The following RETREG1 variants were observed in gnomAD, a reference collection of about 807,000 sequenced individuals.
RETREG1 encodes family with sequence similarity 134 member B.
RETREG1 carries 44 observed loss-of-function variants against 54.8 expected under a neutral mutation model. The ratio of observed to expected loss-of-function variants is 0.80; its 90% CI spans 0.63 to 1.03. RETREG1 has a LOEUF of 1.03. RETREG1 is among the 50% of genes least tolerant of loss of function. The pLI, the probability that RETREG1 is intolerant of heterozygous loss-of-function variation, is 0.00. For synonymous variants in RETREG1, 217 were observed against 238.5 expected (o/e 0.91, Z 0.83); for missense variants, 554 against 605.1 (o/e 0.92, Z 0.89).
chr5:16,477,819 C>A (rs1337228990), intron 7 of RETREG1, 31 bp from the exon 8 acceptor site: 1 of 1,612,734 alleles, frequency 6.2e-7, no homozygotes, highest in Non-Finnish European at 8.5e-7. Flanking sequence ...ACCAGCGGCA[C>A]ATTTTAAACT....
chr5:16,531,931 C>T (rs141626161), intron 3 of RETREG1, among the ~76,000 whole-genome samples: 5 of 152,282 alleles, frequency 3.3e-5, no homozygotes, highest in Admixed American at 6.5e-5. Flanking sequence ...GTTGGGAGAG[C>T]ATCCCTGAGC....
Position 16,474,606 on chromosome 5 carries a change from G to A in RETREG1, c.*135C>T. ...ATATATATCCAATTAATTCACTGCA[G>A]GAGGGAAAATAAAACAAATCTAAAG... On this transcript the variant is annotated 3_prime_UTR_variant, in exon 9 of 9. Coordinates refer to ENST00000306320, the MANE Select transcript of RETREG1 (RefSeq NM_001034850.3). The A allele has an allele frequency of 9.5e-7, 1 of 1,049,002 alleles. No individual in the cohort carries two copies. The highest frequency in any genetic ancestry group is 1.4e-6 in the Non-Finnish European group (1 of 726,954). The allele number at this position is 1,049,002 out of a possible 1,614,324, so 65.0% of individuals were successfully genotyped here. A position where few individuals can be genotyped will look rare whatever the true frequency, so the allele number is the denominator to read the frequency against.
chr5:16,560,140 C>G (rs1415852920), intron 3 of RETREG1, among the ~76,000 whole-genome samples: 1 of 152,166 alleles, frequency 6.6e-6, no homozygotes, highest in Non-Finnish European at 1.5e-5. Flanking sequence ...CCTGGGTTTA[C>G]CATTACATTC....
chr5:16,505,892 C>T (rs1739934215), intron 3 of RETREG1, among the ~76,000 whole-genome samples: 1 of 152,214 alleles, frequency 6.6e-6, no homozygotes, highest in African/African-American at 2.4e-5. Flanking sequence ...GCCTTCCTCG[C>T]CTGCTTCAGA....
chr5:16,610,849 G>C (rs371687581), intron 1 of RETREG1, among the ~76,000 whole-genome samples: 1 of 152,122 alleles, frequency 6.6e-6, no homozygotes. Context: ...TCAGTGTGGC[G>C]ATTCCTCAGG....
chr5:16,579,845 A>G (rs1742435043), intron 1 of RETREG1, among the ~76,000 whole-genome samples: 1 of 152,220 alleles, frequency 6.6e-6, no homozygotes, highest in African/African-American at 2.4e-5. Flanking sequence ...AAATTTATCC[A>G]TTCACCTTTT....
chr5:16,474,696 A>ATTTTTTTGGT lies in RETREG1; in HGVS notation c.*35_*44dup. 6.6e-7 allele frequency: 1 copy of ATTTTTTTGGT among 1,521,916 alleles called. No homozygotes were observed. Among genetic ancestry groups the ATTTTTTTGGT allele is most frequent in the Non-Finnish European group, 8.7e-7 (1 of 1,143,326 alleles). The allele number at this position is 1,521,916 out of a possible 1,614,324, so 94.3% of individuals were successfully genotyped here. A position where few individuals can be genotyped will look rare whatever the true frequency, so the allele number is the denominator to read the frequency against. On this transcript the variant is annotated 3_prime_UTR_variant, in exon 9 of 9. Transcript: ENST00000306320. ...TTTTTTTTTTTTTTTCTTGTTTGAAATTTTTTTGGTGTTTTTTGTGCTCTG... is the reference window on the plus strand; with the variant it reads ...TTTTTTTTTTTTTTTCTTGTTTGAAATTTTTTTGGTTTTTTTTGGTGTTTTTTGTGCTCTG...
chr5:16,483,547 T>C (rs1169606414), intron 3 of RETREG1, 75 bp from the exon 4 acceptor site: 1 of 1,520,994 alleles, frequency 6.6e-7, no homozygotes. Context: ...TTGGCAAATA[T>C]TTATTGAGCA....
intron 3 of RETREG1, among the ~76,000 whole-genome samples, chr5:16,521,244 C>T (rs1393269194): frequency 2.0e-5 from 3 of 152,084 alleles, no homozygotes; most frequent in Non-Finnish European, 4.4e-5. Flanking sequence ...CATTCTTCTC[C>T]CCTCCCATCC....
intron 5 of RETREG1, 27 bp downstream of exon 5, chr5:16,480,982 C>T (rs748377036): frequency 1.3e-6 from 2 of 1,511,684 alleles, no homozygotes; most frequent in African/African-American, 2.8e-5. Context: ...CATCACAACA[C>T]TTAGCCATAT....
Position 16,548,878 on chromosome 5 carries a change from G to A in RETREG1, c.458+16885C>T, listed in dbSNP as rs1315107727. 2.6e-5 allele frequency among the ~76,000 whole-genome samples: 4 copies of A among 152,228 alleles called. No individual in the cohort carries two copies. In the East Asian group the frequency reaches 7.7e-4, roughly 29 times the overall value. ...TGAGAAATAAATATCTGTTATTTAAGCCACCCAATCTATGGTATTCTGTTA... is the reference window on the plus strand; with the variant it reads ...TGAGAAATAAATATCTGTTATTTAAACCACCCAATCTATGGTATTCTGTTA... On this transcript the variant is annotated intron_variant, in intron 3 of 8. Transcript: ENST00000306320.
intron 3 of RETREG1, among the ~76,000 whole-genome samples, chr5:16,504,135 G>A (rs967468731): frequency 4.9e-4 from 75 of 151,986 alleles, no homozygotes; most frequent in African/African-American, 1.2e-3. Flanking sequence ...GCTCCCACTT[G>A]TAAGTGAGAA....
chr5:16,484,126 T>A (rs1328934856), intron 3 of RETREG1, among the ~76,000 whole-genome samples: 1 of 152,104 alleles, frequency 6.6e-6, no homozygotes, highest in Non-Finnish European at 1.5e-5. Context: ...TTTTCCAGAG[T>A]ACATTTTCCT....
At chr5:16,543,633 G>A (rs1014776044) in intron 3 of RETREG1, among the ~76,000 whole-genome samples, 3 of 148,956 alleles carry the variant, frequency 2.0e-5, no homozygotes, top group Non-Finnish European at 4.4e-5. Context: ...CCGAGATCGC[G>A]CCATTGCACT....
At chr5:16,601,805 C>T (rs1032790009) in intron 1 of RETREG1, among the ~76,000 whole-genome samples, 1 of 152,144 alleles carries the variant, frequency 6.6e-6, no homozygotes, top group African/African-American at 2.4e-5. Context: ...AAAATATCAA[C>T]AGAGGTCTAT....
At position 16,586,045 on chromosome 5, in the gene RETREG1, C is replaced by A. The variant is rs982801422; in HGVS notation, c.321-13943G>T. 1.9e-4 allele frequency among the ~76,000 whole-genome samples: 29 copies of A among 152,038 alleles called. 1 individual carries two copies. ...CTAGCCATAAGTTAAATACTAACTACCAGATTCAGTCATAGAAAGGAGCTA... is the reference window on the plus strand; with the variant it reads ...CTAGCCATAAGTTAAATACTAACTAACAGATTCAGTCATAGAAAGGAGCTA... On this transcript the variant is annotated intron_variant, in intron 1 of 8. Transcript: ENST00000306320.
At position 16,473,432 on chromosome 5, in the gene RETREG1, G is replaced by C. The variant is rs1738384331; in HGVS notation, c.*1309C>G. 1 of 148,592 alleles carries C rather than the reference G, an allele frequency of 6.7e-6. No individual in the cohort carries two copies. Among genetic ancestry groups the C allele is most frequent in the Admixed American group, 6.7e-5 (1 of 14,900 alleles). The allele number at this position is 148,592 out of a possible 1,614,324, so 9.2% of individuals were successfully genotyped here. ...TCTTTAGAAATATAAGGGATAAAAT[G>C]AAAGGAAGAGAACACAGATTTCCTA... is the stretch of plus-strand genomic sequence containing the variant. On this transcript the variant is annotated 3_prime_UTR_variant, in exon 9 of 9. Transcript: ENST00000306320.
chr5:16,526,452 A>G (rs1204279464), intron 3 of RETREG1, among the ~76,000 whole-genome samples: 3 of 152,220 alleles, frequency 2.0e-5, no homozygotes, highest in Non-Finnish European at 4.4e-5. Flanking sequence ...GCTCCCCCCA[A>G]GCATTACATG....
chr5:16,562,600 T>C (rs887507003), intron 3 of RETREG1, among the ~76,000 whole-genome samples: 1 of 152,214 alleles, frequency 6.6e-6, no homozygotes, highest in East Asian at 1.9e-4. Context: ...TCATAACACA[T>C]GTCGATGGCT....
Sources: allele counts gnomAD v4.1 joint callset (sites outside exome capture counted in the v4.1 genomes callset), GRCh38; gene constraint gnomAD v4.1.1; transcripts MANE v1.5; gene names NCBI Gene and HGNC (gene_info 2026-07-23, HGNC 2026-07-21).